FAM83H: variants seen among roughly 807,000 people sequenced by gnomAD.
The protein encoded by FAM83H is scaffolding CK1 anchoring protein H.
FAM83H carries 24 observed loss-of-function variants against 30.2 expected under a neutral mutation model. The observed-to-expected ratio is 0.79, with a 90% confidence interval of 0.57 to 1.12. The LOEUF (loss-of-function observed/expected upper bound fraction) is 1.12. Ranked by LOEUF, FAM83H falls within the 50% of genes most tolerant of loss-of-function variation. The pLI is 0.00. For missense variants in FAM83H, 2,038 were observed against 1,773.9 expected, an observed-to-expected ratio of 1.15 and a Z score of -2.67; for synonymous variants, 1,013 against 821.7, an observed-to-expected ratio of 1.23 and a Z score of -3.98.
chr8:143,732,142 G>A, intron 1 of FAM83H: 1 of 985,434 alleles, frequency 1.0e-6, no homozygotes, highest in Non-Finnish European at 1.2e-6. Flanking sequence ...GAGAATGTTG[G>A]GGTCAGGAGG....
intron 1 of FAM83H, chr8:143,732,746 C>T (rs1554624811): frequency 1.0e-6 from 1 of 985,210 alleles, no homozygotes; most frequent in African/African-American, 1.7e-5. Context: ...ACTCCCGAGC[C>T]CAAGATGGAG....
Position 143,728,330 on chromosome 8 carries a change from C to T in FAM83H, c.1131G>A (p.Ser377=). ...LEPHAGLRPL[S]RRLEAEAGPA... ...GCCCGGCCTCGGCCTCCAGGCGCCG[C>T]GAGAGCGGCCGCAGCCCCGCGTGCG... Residue 377 remains serine, a synonymous_variant, in exon 5 of 5, where the codon TCG becomes TCA. Transcript: ENST00000388913. 1 of 1,448,812 alleles carries T rather than the reference C, an allele frequency of 6.9e-7. No individual in the cohort carries two copies. The highest frequency in any genetic ancestry group is 1.4e-5 in the South Asian group (1 of 69,872). 89.7% of individuals were successfully genotyped at this position (1,448,812 alleles called of 1,614,324 possible).
chr8:143,730,190 G>C lies in FAM83H; in HGVS notation c.393C>G (p.Pro131=). Reference sequence around the variant, plus strand: ...CCTCATCCTTGATACTGGGGCTGTCGGGGGGCGGTGGCTGCACCAAGGTGG... The same window carrying C: ...CCTCATCCTTGATACTGGGGCTGTCCGGGGGCGGTGGCTGCACCAAGGTGG... ...EVTTLVQPPP[P]DSPSIKDEAR... The change falls in exon 2 of 5, where the codon CCC becomes CCG. Residue 131 remains proline (P), a synonymous_variant. Transcript: ENST00000388913. 5.0e-6 allele frequency: 8 copies of C among 1,608,826 alleles called. No individual in the cohort carries two copies. Among genetic ancestry groups the C allele is most frequent in the Non-Finnish European group, 6.8e-6 (8 of 1,176,552 alleles).
At chr8:143,728,760 G>C (rs1818406259) in intron 4 of FAM83H, 37 bp from the exon 5 acceptor site, 1 of 1,598,478 alleles carries the variant, frequency 6.3e-7, no homozygotes, top group Non-Finnish European at 8.5e-7. Flanking sequence ...AACCGAGCTG[G>C]AGCGAGGGCA....
intron 1 of FAM83H, chr8:143,732,155 G>A: frequency 2.0e-6 from 2 of 985,420 alleles, no homozygotes; most frequent in Non-Finnish European, 2.4e-6. Flanking sequence ...TCAGGAGGCA[G>A]CCGTCCTGCC....
At position 143,728,076 on chromosome 8, in the gene FAM83H, G is replaced by A. The variant is rs1196393224; in HGVS notation, c.1385C>T (p.Pro462Leu). Residue 462 changes from proline (P) to leucine (L), a missense_variant, in exon 5 of 5, where the codon CCG (proline) becomes CTG (leucine). Physicochemically the swap from Pro to Leu is moderately conservative, Grantham distance 98. Transcript: ENST00000388913. ...QLYQQQYQWD[P>L]QLTPARPQGL... ...TTGCGGGCGCGCCGGCGTGAGCTGC[G>A]GGTCCCACTGGTACTGCTGCTGGTA... 1.1e-5 allele frequency: 18 copies of A among 1,610,476 alleles called. No homozygotes were observed. The highest frequency in any genetic ancestry group is 1.7e-5 in the Admixed American group (1 of 59,918).
At position 143,727,863 on chromosome 8, in the gene FAM83H, C is replaced by A; in HGVS notation, c.1598G>T (p.Gly533Val). 7.5e-7 allele frequency: 1 copy of A among 1,341,950 alleles called. No individual in the cohort carries two copies. Among genetic ancestry groups the A allele is most frequent in the South Asian group, 1.8e-5 (1 of 54,214 alleles). The allele number at this position is 1,341,950 out of a possible 1,614,324, so 83.1% of individuals were successfully genotyped here. ...GCGCGGGGCTCCGCTGGGCTCCAGG[C>A]CGCGGGGTCCGGGCGCGAAGGCGGG... is the stretch of plus-strand genomic sequence containing the variant. ...SDPAFAPGPRGLEPSGAPRPN... is the reference protein window; with the variant it reads ...SDPAFAPGPRVLEPSGAPRPN... Residue 533 changes from glycine (G) to valine (V), a missense_variant, in exon 5 of 5, where the codon GGC becomes GTC. Coordinates refer to ENST00000388913, the MANE Select transcript of FAM83H (RefSeq NM_198488.5).
At chr8:143,728,889 G>C in intron 4 of FAM83H, 78 bp downstream of exon 4, 4 of 1,607,952 alleles carry the variant, frequency 2.5e-6, no homozygotes, top group Non-Finnish European at 3.4e-6. Flanking sequence ...GGCGAGGAGG[G>C]CCCTGGTGTG....
Position 143,728,700 on chromosome 8 carries a change from A to G in FAM83H, c.761T>C (p.Ile254Thr), listed in dbSNP as rs1818403517. ...SYSFMWSFEKIHRSLAHVFQG... is the reference protein window; with the variant it reads ...SYSFMWSFEKTHRSLAHVFQG... ...GAACACGTGCGCCAGGCTGCGGTGG[A>G]TCTTCTCAAAGGACCACATGAAGCT... Residue 254 changes from isoleucine to threonine, a missense_variant, in exon 5 of 5, where the codon ATC (isoleucine) becomes ACC (threonine). Ile to Thr is a moderately conservative substitution (Grantham distance 89). Coordinates refer to ENST00000388913, the MANE Select transcript of FAM83H (RefSeq NM_198488.5). The G allele has an allele frequency of 6.2e-7, 1 of 1,600,040 alleles. No homozygotes were observed. Among genetic ancestry groups the G allele is most frequent in the Non-Finnish European group, 8.5e-7 (1 of 1,179,850 alleles).
chr8:143,727,304 C>T lies in FAM83H; in HGVS notation c.2157G>A (p.Leu719=), dbSNP rs782536448. The change falls in exon 5 of 5, where the codon CTG becomes CTA. Residue 719 remains leucine (L), a synonymous_variant. Coordinates refer to ENST00000388913, the MANE Select transcript of FAM83H (RefSeq NM_198488.5). ...LHKEQTVSET[L]GPGGEAVRSA... ...AGCGCACGGCCTCTCCGCCGGGCCC[C>T]AGCGTCTCGCTGACCGTCTGCTCCT... 30 of 1,541,790 alleles carry T rather than the reference C, an allele frequency of 1.9e-5. No individual in the cohort carries two copies. In the East Asian group the frequency reaches 6.5e-4, roughly 33 times the overall value.
intron 1 of FAM83H, chr8:143,732,327 G>A (rs1236461897): frequency 3.0e-6 from 3 of 985,326 alleles, no homozygotes; most frequent in Middle Eastern, 5.2e-4. Flanking sequence ...ACACCGCTCT[G>A]GTTGTGCCAG....
Position 143,727,801 on chromosome 8 carries a change from C to T in FAM83H, c.1660G>A (p.Ala554Thr), listed in dbSNP as rs1818359686. The T allele has an allele frequency of 1.5e-6, 2 of 1,342,322 alleles. No individual in the cohort carries two copies. The highest frequency in any genetic ancestry group is 4.1e-5 in the Admixed American group (1 of 24,566). 83.2% of individuals were successfully genotyped at this position (1,342,322 alleles called of 1,614,324 possible). A position where few individuals can be genotyped will look rare whatever the true frequency, so the allele number is the denominator to read the frequency against. The stretch of plus-strand genomic sequence containing the variant: ...GGAGCGGGGTCTGGGCCCGGCCTCG[C>T]CGCGGCCTGGCATGGGAAGCGCTGG... ...LTQRFPCQAA[A>T]RPGPDPAPEA... The change falls in exon 5 of 5, where the codon GCG becomes ACG. Residue 554 changes from alanine (A) to threonine (T), a missense_variant. Ala to Thr is a moderately conservative substitution (Grantham distance 58, BLOSUM62 0). Coordinates refer to ENST00000388913, the MANE Select transcript of FAM83H (RefSeq NM_198488.5).
At chr8:143,732,704 G>C in intron 1 of FAM83H, 3 of 985,356 alleles carry the variant, frequency 3.0e-6, no homozygotes, top group Non-Finnish European at 3.6e-6. Flanking sequence ...TCATGGGTAC[G>C]TGTCTCCTGG....
chr8:143,727,272 G>A lies in FAM83H; in HGVS notation c.2189C>T (p.Ala730Val), dbSNP rs1485234289. Residue 730 changes from alanine (A) to valine (V), a missense_variant, in exon 5 of 5, where the codon GCT (alanine) becomes GTT (valine). Coordinates refer to ENST00000388913, the MANE Select transcript of FAM83H (RefSeq NM_198488.5). ...GPGGEAVRSA[A>V]STKVAELLEK... ...CAGCAGCTCCGCCACCTTGGTGGAA[G>A]CCGCGGAGCGCACGGCCTCTCCGCC... 14 of 1,535,384 alleles carry A rather than the reference G, an allele frequency of 9.1e-6. No homozygotes were observed. The highest frequency in any genetic ancestry group is 5.5e-5 in the African/African-American group (4 of 73,062).
chr8:143,725,953 T>G lies in FAM83H; in HGVS notation c.3508A>C (p.Lys1170Gln). The change falls in exon 5 of 5, where the codon AAG becomes CAG. Residue 1170 changes from lysine to glutamine, a missense_variant. Coordinates refer to ENST00000388913, the MANE Select transcript of FAM83H (RefSeq NM_198488.5). ...RDSKVGKFVPKILGTFKSKK is the reference protein window; with the variant it reads ...RDSKVGKFVPQILGTFKSKK ...TTGCTTTTGAACGTGCCCAGGATCTTGGGCACGAACTTGCCCACCTTGCTG... is the reference window on the plus strand; with the variant it reads ...TTGCTTTTGAACGTGCCCAGGATCTGGGGCACGAACTTGCCCACCTTGCTG... 1 of 1,613,010 alleles carries G rather than the reference T, an allele frequency of 6.2e-7. No homozygotes were observed.
At position 143,733,028 on chromosome 8, in the gene FAM83H, A is replaced by G. The variant is rs1189833376; in HGVS notation, c.-16+663T>C. ...ACACAAAGTGGGGTGAACCTGTGCC[A>G]AGTTCCGATGGGCGCAGGAGGGCGC... On this transcript the variant is annotated intron_variant, in intron 1 of 4. Transcript: ENST00000388913. This position sits in a 1 kb window ranked among gnomAD's most constrained non-coding sequence, Gnocchi z 5.6. 1.9e-5 allele frequency: 3 copies of G among 154,358 alleles called. No homozygotes were observed. The highest frequency in any genetic ancestry group is 7.2e-5 in the African/African-American group (3 of 41,476). 9.6% of individuals were successfully genotyped at this position (154,358 alleles called of 1,614,324 possible). A position where few individuals can be genotyped will look rare whatever the true frequency, so the allele number is the denominator to read the frequency against.
rs782487421 is a variant in FAM83H at position 143,728,141 on chromosome 8, G to A, written c.1320C>T (p.Asp440=). 2 of 1,609,602 alleles carry A rather than the reference G, an allele frequency of 1.2e-6. No homozygotes were observed. The highest frequency in any genetic ancestry group is 8.5e-7 in the Non-Finnish European group (1 of 1,179,244). ...GGAAGTGGCTGGTCTGGAAGCGGAA[G>A]TCGTCGCCGTGGCTGAGGAACGTCT... ...SRQTFLSHGD[D]FRFQTSHFHR... is the part of the protein sequence containing the mutation. Residue 440 remains aspartate (D), a synonymous_variant, in exon 5 of 5, where the codon GAC becomes GAT. Coordinates refer to ENST00000388913, the MANE Select transcript of FAM83H (RefSeq NM_198488.5).
chr8:143,726,795 C>T lies in FAM83H; in HGVS notation c.2666G>A (p.Arg889Gln), dbSNP rs1328377212. ...AAATCCTGTAGTTGGACTTCCTCTT[C>T]GAGTGGAAAACCCAGGCGTGGGGCT... The part of the protein sequence containing the change: ...KGSPTPGFST[R>Q]RGSPTTGFIE... Residue 889 changes from arginine to glutamine, a missense_variant, in exon 5 of 5, where the codon CGA (arginine) becomes CAA (glutamine). Coordinates refer to ENST00000388913, the MANE Select transcript of FAM83H (RefSeq NM_198488.5). The T allele has an allele frequency of 1.9e-6, 3 of 1,612,730 alleles. No homozygotes were observed. The highest frequency in any genetic ancestry group is 1.3e-5 in the African/African-American group (1 of 74,902).
At chr8:143,728,846 G>A (rs1019315826) in intron 4 of FAM83H, 121 bp downstream of exon 4, 89 of 1,596,724 alleles carry the variant, frequency 5.6e-5, no homozygotes, top group Non-Finnish European at 7.0e-5. Flanking sequence ...GGCCCGGCTA[G>A]GCTGTGCAGG....
Sources: allele counts gnomAD v4.1 joint callset, GRCh38; gene constraint gnomAD v4.1.1; non-coding constraint Gnocchi (gnomAD v3.1); transcripts MANE v1.5; gene names NCBI Gene and HGNC (gene_info 2026-07-23, HGNC 2026-07-21).